The following LUC7L variants were observed in gnomAD, a reference collection of about 807,000 sequenced individuals.
The protein encoded by LUC7L is putative RNA-binding protein Luc7-like 1.
Under a neutral mutation model 51.1 loss-of-function variants are expected in LUC7L, and 29 were observed. The observed-to-expected ratio is 0.57, with a 90% CI of 0.42 to 0.77. The LOEUF is 0.77. Among genes scored for constraint, LUC7L ranks in the 30% least tolerant of loss-of-function variants. The pLI is 0.00. For synonymous variants in LUC7L, 181 were observed against 180.7 expected, an observed-to-expected ratio of 1.00 and a Z score of -0.01; for missense variants, 403 against 511.9, an observed-to-expected ratio of 0.79 and a Z score of 2.05.
intron 6 of LUC7L, among the ~76,000 whole-genome samples, chr16:196,250 A>G (rs938227279): frequency 6.6e-6 from 1 of 152,034 alleles, no homozygotes; most frequent in Admixed American, 6.6e-5. Context: ...TCTACTAAAA[A>G]CACAAAAATG....
At chr16:206,529 C>T (rs1281798670) in intron 4 of LUC7L, among the ~76,000 whole-genome samples, 1 of 152,088 alleles carries the variant, frequency 6.6e-6, no homozygotes. Flanking sequence ...AAAATAGCAC[C>T]GTTGGTCAAA....
intron 3 of LUC7L, among the ~76,000 whole-genome samples, chr16:219,667 G>A (rs1213582338): frequency 6.6e-6 from 1 of 151,884 alleles, no homozygotes; most frequent in African/African-American, 2.4e-5. Flanking sequence ...GACGTTGAGA[G>A]TTCGAGACCA....
intron 2 of LUC7L, among the ~76,000 whole-genome samples, chr16:225,916 C>G (rs1389766624): frequency 6.6e-6 from 1 of 152,202 alleles, no homozygotes; most frequent in Non-Finnish European, 1.5e-5. Flanking sequence ...TGGTTGAAAT[C>G]TTCCCGAGAG....
intron 3 of LUC7L, among the ~76,000 whole-genome samples, chr16:217,565 G>A (rs1237753907): frequency 6.6e-6 from 1 of 151,586 alleles, no homozygotes; most frequent in African/African-American, 2.4e-5. Context: ...AAATCAGCCA[G>A]GCGTAGCGAT....
intron 3 of LUC7L, among the ~76,000 whole-genome samples, chr16:218,398 A>G (rs1205158474): frequency 3.9e-5 from 6 of 152,162 alleles, no homozygotes; most frequent in Admixed American, 1.3e-4. Context: ...TTAGGGATTA[A>G]AAAACAATTA....
At chr16:207,453 A>C (rs949681519) in intron 4 of LUC7L, among the ~76,000 whole-genome samples, 2 of 152,190 alleles carry the variant, frequency 1.3e-5, no homozygotes, top group African/African-American at 4.8e-5. Context: ...CCTGGGCTCA[A>C]GCAGTCTGCC....
chr16:204,300 A>T (rs1425514754), intron 5 of LUC7L, among the ~76,000 whole-genome samples: 1 of 151,732 alleles, frequency 6.6e-6, no homozygotes, highest in Non-Finnish European at 1.5e-5. Context: ...AAAAAAAAAA[A>T]AAAAATTAGC....
intron 3 of LUC7L, among the ~76,000 whole-genome samples, chr16:212,863 G>C (rs2049684158): frequency 6.6e-6 from 1 of 150,698 alleles, no homozygotes. Context: ...CTTTAGCGTT[G>C]ACCTCTCAGG....
intron 1 of LUC7L, chr16:227,823 G>C: frequency 1.0e-6 from 1 of 1,001,086 alleles, no homozygotes; most frequent in Non-Finnish European, 1.2e-6. Context: ...CTCTATCGAA[G>C]ACTGTTAAAT....
intron 9 of LUC7L, 144 bp from the exon 10 acceptor site, chr16:189,483 T>C: frequency 7.0e-7 from 1 of 1,426,384 alleles, no homozygotes; most frequent in South Asian, 1.5e-5. Flanking sequence ...CCAACCAGAC[T>C]TGCCCACCAC....
At chr16:190,674 G>A in intron 7 of LUC7L, 104 bp from the exon 8 acceptor site, 1 of 992,438 alleles carries the variant, frequency 1.0e-6, no homozygotes, top group South Asian at 1.3e-5. Context: ...GAGGTCACGA[G>A]CTGGAGACCA....
chr16:200,139 T>G (rs1354216162), intron 5 of LUC7L, among the ~76,000 whole-genome samples: 2 of 150,224 alleles, frequency 1.3e-5, no homozygotes, highest in Non-Finnish European at 3.0e-5. Context: ...AATACAAAAA[T>G]TGGCCGGGCG....
At chr16:222,228 T>C (rs2142113415) in intron 2 of LUC7L, among the ~76,000 whole-genome samples, 1 of 151,654 alleles carries the variant, frequency 6.6e-6, no homozygotes, top group South Asian at 2.1e-4. Context: ...GTTTGTGTGC[T>C]GAGGATCATC....
chr16:190,193 C>G (rs1370553792), intron 8 of LUC7L, 58 bp from the exon 9 acceptor site: 2 of 1,443,492 alleles, frequency 1.4e-6, no homozygotes, highest in Admixed American at 3.8e-5. Context: ...CTATGAGGGC[C>G]CCACCCCTCA....
intron 6 of LUC7L, among the ~76,000 whole-genome samples, chr16:196,299 T>C (rs549446832): frequency 3.3e-5 from 5 of 152,048 alleles, no homozygotes; most frequent in South Asian, 4.2e-4. Flanking sequence ...TACCAGCTAC[T>C]TGGAGGGCTG....
chr16:226,630 C>A (rs1170656818), intron 2 of LUC7L, among the ~76,000 whole-genome samples: 1 of 152,120 alleles, frequency 6.6e-6, no homozygotes, highest in Admixed American at 6.6e-5. Context: ...GAAAATGTAC[C>A]TTGCTAGATC....
chr16:207,141 G>A (rs1485300555), intron 4 of LUC7L, among the ~76,000 whole-genome samples: 7 of 151,810 alleles, frequency 4.6e-5, no homozygotes, highest in Admixed American at 3.3e-4. Flanking sequence ...GGAGCTTGCA[G>A]TGAGTCGAGA....
chr16:227,768 A>T (rs1466416015), intron 1 of LUC7L: 1 of 1,002,702 alleles, frequency 1.0e-6, no homozygotes, highest in Non-Finnish European at 1.2e-6. Context: ...ACAAATGCAG[A>T]GGCAGTATTT....
At chr16:199,298 A>G in intron 5 of LUC7L, 60 bp from the exon 6 acceptor site, 2 of 1,073,084 alleles carry the variant, frequency 1.9e-6, no homozygotes, top group East Asian at 2.5e-5. Flanking sequence ...CACAAATTCA[A>G]TCTCCAAAAT....
Sources: allele counts gnomAD v4.1 joint callset (sites outside exome capture counted in the v4.1 genomes callset), GRCh38; gene constraint gnomAD v4.1.1; transcripts MANE v1.5; gene names NCBI Gene and HGNC (gene_info 2026-07-23, HGNC 2026-07-21).